The following IQCF3 variants were observed in gnomAD, a reference collection of about 807,000 sequenced individuals.
IQCF3 encodes IQ motif containing F3.
A neutral mutation model predicts 5.1 loss-of-function variants in IQCF3; 7 were observed. The observed-to-expected ratio is 1.36, with a 90% CI of 0.78 to 2.56. The LOEUF is 2.56. Ranked by LOEUF, IQCF3 falls within the 30% of genes most tolerant of loss-of-function variation. The pLI is 0.00. For missense variants in IQCF3, 189 were observed against 196.5 expected, an observed-to-expected ratio of 0.96 and a Z score of 0.23; for synonymous variants, 82 against 72.8, an observed-to-expected ratio of 1.13 and a Z score of -0.64.
Position 51,830,558 on chromosome 3 carries a change from G to C in IQCF3, c.222G>C (p.Arg74=), listed in dbSNP as rs753177853. The C allele has an allele frequency of 6.2e-7, 1 of 1,613,966 alleles. No individual in the cohort carries two copies. Among genetic ancestry groups the C allele is most frequent in the East Asian group, 2.2e-5 (1 of 44,882 alleles). ...GGTGGAGGACGTTGGTGCAGAGACG[G>C]ATCCGTCAGCGGCGGCAGGCCCTGT... ...QCWWRTLVQR[R]IRQRRQALLR... is the part of the protein sequence containing the mutation. The change falls in exon 3 of 3, where the codon CGG becomes CGC. Residue 74 remains arginine (R), a synonymous_variant. Coordinates refer to ENST00000440739, the MANE Select transcript of IQCF3 (RefSeq NM_001393887.1). The surrounding 1 kb of genome is among the most constrained non-coding windows in gnomAD (Gnocchi z 4.1).
intron 1 of IQCF3, 51 bp from the exon 2 acceptor site, chr3:51,829,614 A>C: frequency 6.2e-7 from 1 of 1,607,328 alleles, no homozygotes; most frequent in Non-Finnish European, 8.5e-7. Flanking sequence ...GGGACTTTGC[A>C]GTCAGGCTGG....
Position 51,830,658 on chromosome 3 carries a change from T to G in IQCF3, c.322T>G (p.Cys108Gly). 6.2e-7 allele frequency: 1 copy of G among 1,614,026 alleles called. No homozygotes were observed. Among genetic ancestry groups the G allele is most frequent in the Non-Finnish European group, 8.5e-7 (1 of 1,179,886 alleles). The change falls in exon 3 of 3, where the codon TGT (cysteine) becomes GGT (glycine). Residue 108 changes from cysteine (C) to glycine (G), a missense_variant. Transcript: ENST00000440739. The surrounding 1 kb of genome is among the most constrained non-coding windows in gnomAD (Gnocchi z 4.1). ...SCIRMWQCRQ[C>G]YRQMCNALCL... Reference sequence around the variant, plus strand: ...CATCCGCATGTGGCAGTGCCGGCAATGTTACCGCCAAATGTGCAATGCTCT... The same window carrying G: ...CATCCGCATGTGGCAGTGCCGGCAAGGTTACCGCCAAATGTGCAATGCTCT...
upstream of IQCF3, chr3:51,829,207 C>T: frequency 1.9e-6 from 1 of 515,806 alleles, no homozygotes; most frequent in Middle Eastern, 5.4e-4. Context: ...GGAAAGGCAA[C>T]CATGAAAAAA....
chr3:51,829,573 C>A, intron 1 of IQCF3, 80 bp downstream of exon 1: 1 of 1,591,018 alleles, frequency 6.3e-7, no homozygotes, highest in Non-Finnish European at 8.6e-7. Flanking sequence ...CTTCTTAGGA[C>A]CCAGGCAAAG....
At position 51,830,317 on chromosome 3, in the gene IQCF3, C is replaced by T. The variant is rs1383720448; in HGVS notation, c.67-86C>T. The T allele has an allele frequency of 6.8e-7, 1 of 1,478,534 alleles. No individual in the cohort carries two copies. The highest frequency in any genetic ancestry group is 1.4e-5 in the South Asian group (1 of 71,784). 91.6% of individuals were successfully genotyped at this position (1,478,534 alleles called of 1,614,324 possible). ...CCCAGGTCTCCTGGGTCCTCAAAAC[C>T]AGCAGGGAGAGGGCTGATTCTTTAG... On this transcript the variant is annotated intron_variant, in intron 2 of 2. Transcript: ENST00000440739. This position sits in a 1 kb window ranked among gnomAD's most constrained non-coding sequence, Gnocchi z 4.1.
upstream of IQCF3, chr3:51,828,106 CTTTG>C (rs1373180714): frequency 1.3e-5 from 2 of 151,750 alleles, no homozygotes; most frequent in Admixed American, 1.3e-4. Context: ...ACTCTGATTC[CTTTG>C]TTTGTGGGAT....
Position 51,829,484 on chromosome 3 carries a change from T to A in IQCF3, c.9T>A (p.Ser3Arg). MG[S>R]KCCKGGPDED... The stretch of plus-strand genomic sequence containing the variant: ...AACCACTGCTCCAAACCATGGGCAG[T>A]AAATGCTGTGTAAGACTCAGGCACA... Residue 3 changes from serine to arginine, a missense_variant, in exon 1 of 3, where the codon AGT (serine) becomes AGA (arginine). Coordinates refer to ENST00000440739, the MANE Select transcript of IQCF3 (RefSeq NM_001393887.1). The A allele has an allele frequency of 6.3e-7, 1 of 1,598,932 alleles. No homozygotes were observed. The highest frequency in any genetic ancestry group is 8.5e-7 in the Non-Finnish European group (1 of 1,172,812).
At chr3:51,829,155 C>T (rs1278021354), upstream of IQCF3, 19 of 363,620 alleles carry the variant, frequency 5.2e-5, no homozygotes, top group African/African-American at 2.7e-4. Flanking sequence ...TGTAAAGGGG[C>T]AATGGATTTG....
At chr3:51,829,210 T>A (rs930734925), upstream of IQCF3, 3 of 521,566 alleles carry the variant, frequency 5.8e-6, no homozygotes, top group Non-Finnish European at 1.1e-5. Context: ...AAGGCAACCA[T>A]GAAAAAAGTT....
Position 51,830,768 on chromosome 3 carries a change from G to T in IQCF3, c.432G>T (p.Gln144His). Residue 144 changes from glutamine (Q) to histidine (H), a missense_variant, in exon 3 of 3, where the codon CAG (glutamine) becomes CAT (histidine). By Grantham distance (24) the Gln-to-His change is conservative. Coordinates refer to ENST00000440739, the MANE Select transcript of IQCF3 (RefSeq NM_001393887.1). The surrounding 1 kb of genome is among the most constrained non-coding windows in gnomAD (Gnocchi z 4.1). ...LQVQYAIPSK[Q>H]PEFHIEILSI Reference sequence around the variant, plus strand: ...TCCAATATGCAATCCCTTCAAAGCAGCCAGAGTTCCACATTGAAATCCTAT... The same window carrying T: ...TCCAATATGCAATCCCTTCAAAGCATCCAGAGTTCCACATTGAAATCCTAT... 1 of 1,594,534 alleles carries T rather than the reference G, an allele frequency of 6.3e-7. No homozygotes were observed. The highest frequency in any genetic ancestry group is 8.6e-7 in the Non-Finnish European group (1 of 1,167,598).
chr3:51,827,215 G>A (rs561864952), upstream of IQCF3: 34 of 152,288 alleles, frequency 2.2e-4, no homozygotes, highest in African/African-American at 7.7e-4. Flanking sequence ...CTAAGCCATG[G>A]ACAGGATATA....
At chr3:51,828,612 C>G (rs1698321605), upstream of IQCF3, 1 of 152,162 alleles carries the variant, frequency 6.6e-6, no homozygotes, top group Admixed American at 6.5e-5. Context: ...AAATGTTTGT[C>G]AAGGATATTG....
upstream of IQCF3, chr3:51,829,265 C>A (rs1698331259): frequency 1.7e-6 from 1 of 596,706 alleles, no homozygotes; most frequent in Non-Finnish European, 3.1e-6. Context: ...CACAATTTTT[C>A]CTCAACAGAG....
At chr3:51,828,386 A>G (rs944795683), upstream of IQCF3, among the ~76,000 whole-genome samples, 2 of 152,156 alleles carry the variant, frequency 1.3e-5, no homozygotes, top group African/African-American at 4.8e-5. Context: ...ACATGAAGAG[A>G]TGTTGAATTT....
chr3:51,830,584 T>G lies in IQCF3; in HGVS notation c.248T>G (p.Leu83Trp). Residue 83 changes from leucine (L) to tryptophan (W), a missense_variant, in exon 3 of 3, where the codon TTG becomes TGG. Coordinates refer to ENST00000440739, the MANE Select transcript of IQCF3 (RefSeq NM_001393887.1). This position sits in a 1 kb window ranked among gnomAD's most constrained non-coding sequence, Gnocchi z 4.1. The stretch of plus-strand genomic sequence containing the variant: ...ATCCGTCAGCGGCGGCAGGCCCTGT[T>G]GAGGGTCTACGTCATCCAGGAGCAG... The part of the protein sequence containing the change: ...RRIRQRRQAL[L>W]RVYVIQEQAT... The G allele has an allele frequency of 6.2e-7, 1 of 1,613,926 alleles. No homozygotes were observed. The highest frequency in any genetic ancestry group is 8.5e-7 in the Non-Finnish European group (1 of 1,179,856).
At chr3:51,829,802 C>G (rs962156096) in intron 2 of IQCF3, 90 bp downstream of exon 2, 2 of 1,299,774 alleles carry the variant, frequency 1.5e-6, no homozygotes, top group Non-Finnish European at 2.2e-6. Context: ...TCTGGCTCAG[C>G]ATTGCCCTCT....
In IQCF3 at chr3:51,829,520, C is replaced by T. The variant is rs766250105; in HGVS notation, c.18+27C>T. 2.6e-5 allele frequency: 41 copies of T among 1,596,824 alleles called. No homozygotes were observed. The Admixed American group carries it at 7.2e-4, about 28-fold the overall frequency. On this transcript the variant is annotated intron_variant, in intron 1 of 2. Transcript: ENST00000440739. ...TAAGACTCAGGCACACAAACTCCCC[C>T]AGGGGTGGGAGTTGTCCCATGGCCC...
upstream of IQCF3, among the ~76,000 whole-genome samples, chr3:51,827,529 ATTATGT>A (rs1340832827): frequency 1.3e-5 from 2 of 151,954 alleles, no homozygotes; most frequent in Admixed American, 6.6e-5. Context: ...TTAATTTATA[ATTATGT>A]TTATAATTTT....
chr3:51,829,402 A>G, upstream of IQCF3: 1 of 1,537,574 alleles, frequency 6.5e-7, no homozygotes, highest in Non-Finnish European at 8.8e-7. Context: ...CTCTTTCTCC[A>G]CCTTTCCTGC....
Sources: allele counts gnomAD v4.1 joint callset (sites outside exome capture counted in the v4.1 genomes callset), GRCh38; gene constraint gnomAD v4.1.1; non-coding constraint Gnocchi (gnomAD v3.1); transcripts MANE v1.5; gene names NCBI Gene and HGNC (gene_info 2026-07-23, HGNC 2026-07-21).